MAML2: variants seen among roughly 807,000 people sequenced by gnomAD.
MAML2 encodes the protein mastermind like transcriptional coactivator 2, also known as mastermind-like protein 2.
A neutral mutation model predicts 96.1 loss-of-function variants in MAML2; 22 were observed. The observed-to-expected ratio is 0.23, with a 90% CI of 0.16 to 0.33. MAML2 has a LOEUF of 0.33. Among genes scored for constraint, MAML2 ranks in the 10% least tolerant of loss-of-function variants. MAML2 has a pLI of 1.00. For missense variants in MAML2, 1,367 were observed against 1,392.4 expected (o/e 0.98, Z 0.29); for synonymous variants, 561 against 521.3 (o/e 1.08, Z -1.04).
chr11:96,077,156 A>G lies in MAML2; in HGVS notation c.2139+14736T>C, dbSNP rs184831449. ...TCATCAGAAATGCATTTTTTGGCTC[A>G]AATTTCCTTTTATTTCTCCCTTGGG... On this transcript the variant is annotated intron_variant, in intron 2 of 4. Transcript: ENST00000524717. Among the ~76,000 whole-genome samples, 1,145 of 150,168 alleles carry G rather than the reference A, an allele frequency of 7.6e-3. 2 individuals are homozygous for G. Among genetic ancestry groups the G allele is most frequent in the Non-Finnish European group, 0.013 (863 of 67,636 alleles).
At chr11:96,180,929 A>G (rs1379459266) in intron 1 of MAML2, among the ~76,000 whole-genome samples, 1 of 143,790 alleles carries the variant, frequency 7.0e-6, no homozygotes, top group African/African-American at 2.6e-5. Flanking sequence ...TCTGGCGGGT[A>G]GGAGTGGGGG....
intron 1 of MAML2, among the ~76,000 whole-genome samples, chr11:96,257,908 ATTCCCTTCTATT>A (rs932636831): frequency 1.4e-4 from 21 of 152,228 alleles, no homozygotes; most frequent in African/African-American, 5.1e-4. Flanking sequence ...TAAAAGTCTG[ATTCCCTTCTATT>A]TCCTGCAGTC....
At chr11:96,257,509 A>C (rs561876903) in intron 1 of MAML2, among the ~76,000 whole-genome samples, 2 of 152,380 alleles carry the variant, frequency 1.3e-5, no homozygotes, top group South Asian at 4.1e-4. Context: ...TCTTTGATAC[A>C]TGACTTGGAA....
chr11:96,148,659 TACACACACAC>T (rs58470055), intron 1 of MAML2, among the ~76,000 whole-genome samples: 5,865 of 131,940 alleles, frequency 0.044, 419 homozygotes, highest in African/African-American at 0.15. Flanking sequence ...TTCTGAAAAA[TACACACACAC>T]ACACACACAC....
chr11:95,990,186 C>T (rs779709356), intron 3 of MAML2, among the ~76,000 whole-genome samples: 2 of 152,024 alleles, frequency 1.3e-5, no homozygotes, highest in Admixed American at 6.6e-5. Context: ...TTTTCTCTTA[C>T]TTTTTATACT....
intron 1 of MAML2, among the ~76,000 whole-genome samples, chr11:96,304,572 GT>G (rs1284954086): frequency 6.6e-6 from 1 of 152,144 alleles, no homozygotes; most frequent in East Asian, 1.9e-4. Flanking sequence ...TGGCACCCAG[GT>G]TTTTCTTTAT....
intron 1 of MAML2, among the ~76,000 whole-genome samples, chr11:96,200,940 G>A (rs1053981187): frequency 6.6e-6 from 1 of 151,778 alleles, no homozygotes; most frequent in Non-Finnish European, 1.5e-5. Context: ...AGGATGATAA[G>A]CTTTATTTCT....
intron 2 of MAML2, among the ~76,000 whole-genome samples, chr11:96,080,683 G>A (rs1429454995): frequency 6.6e-6 from 1 of 152,146 alleles, no homozygotes; most frequent in African/African-American, 2.4e-5. Flanking sequence ...GCCACATATA[G>A]GCAATGATTA....
chr11:95,981,700 G>A (rs1397319536), intron 4 of MAML2, among the ~76,000 whole-genome samples: 1 of 152,116 alleles, frequency 6.6e-6, no homozygotes, highest in African/African-American at 2.4e-5. Context: ...GTTTGATGAA[G>A]AGACATAACA....
At chr11:96,303,394 G>C (rs541838843) in intron 1 of MAML2, among the ~76,000 whole-genome samples, 1 of 152,088 alleles carries the variant, frequency 6.6e-6, no homozygotes, top group Non-Finnish European at 1.5e-5. Context: ...AATCTTTCTA[G>C]AATTATAGTT....
At chr11:96,042,368 T>C (rs576186236) in intron 2 of MAML2, among the ~76,000 whole-genome samples, 1 of 152,236 alleles carries the variant, frequency 6.6e-6, no homozygotes, top group South Asian at 2.1e-4. Flanking sequence ...ATGATCCACC[T>C]GCCTCGGCCT....
intron 1 of MAML2, among the ~76,000 whole-genome samples, chr11:96,139,698 T>A (rs1860702006): frequency 6.6e-6 from 1 of 152,060 alleles, no homozygotes; most frequent in South Asian, 2.1e-4. Flanking sequence ...TACCTACTCA[T>A]AATCATTTTG....
In MAML2 at chr11:96,022,915, T is replaced by A. The variant is rs114568506; in HGVS notation, c.2140-31192A>T. 2.7e-4 allele frequency among the ~76,000 whole-genome samples: 41 copies of A among 152,246 alleles called. No homozygotes were observed. In the South Asian group the frequency reaches 3.9e-3, roughly 15 times the overall value. On this transcript the variant is annotated intron_variant, in intron 2 of 4. Transcript: ENST00000524717. The stretch of plus-strand genomic sequence containing the variant: ...AGGCCAGTAGACATGACGCTTAACC[T>A]CAAAACCAGTGATGATGGTATCTTT...
Position 96,039,722 on chromosome 11 carries a change from G to A in MAML2, c.2140-47999C>T, listed in dbSNP as rs78684568. ...AGCACTTTGGGAGGCCAAGGCAGGC[G>A]GATCACGAGGTCAGGAGATCGAGAC... On this transcript the variant is annotated intron_variant, in intron 2 of 4. Transcript: ENST00000524717. Among the ~76,000 whole-genome samples the A allele has an allele frequency of 3.3e-4, 50 of 152,226 alleles. No individual in the cohort carries two copies. The South Asian group carries it at 6.0e-3, about 18-fold the overall frequency.
chr11:96,086,237 C>T (rs1290243980), intron 2 of MAML2, among the ~76,000 whole-genome samples: 1 of 152,156 alleles, frequency 6.6e-6, no homozygotes, highest in Non-Finnish European at 1.5e-5. Flanking sequence ...GTTCCTGGCA[C>T]ATTGTAGGTG....
At chr11:96,034,440 A>T (rs1441900778) in intron 2 of MAML2, among the ~76,000 whole-genome samples, 2 of 138,556 alleles carry the variant, frequency 1.4e-5, no homozygotes, top group East Asian at 4.4e-4. Context: ...TGTGAGAGAG[A>T]GAGAGAGAGA....
At position 96,155,509 on chromosome 11, in the gene MAML2, A is replaced by AAT. The variant is rs56860340; in HGVS notation, c.514-61994_514-61993dup. 4.1e-3 allele frequency among the ~76,000 whole-genome samples: 306 copies of AAT among 74,754 alleles called. 10 individuals carry two copies. Among genetic ancestry groups the AAT allele is most frequent in the Middle Eastern group, 7.6e-3 (1 of 132 alleles). The allele number at this position is 74,754 out of a possible 152,430, so 49.0% of individuals were successfully genotyped here. A position where few individuals can be genotyped will look rare whatever the true frequency, so the allele number is the denominator to read the frequency against. On this transcript the variant is annotated intron_variant, in intron 1 of 4. Coordinates refer to ENST00000524717, the MANE Select transcript of MAML2 (RefSeq NM_032427.4). Reference sequence around the variant, plus strand: ...ACCTCATGGGCGCTGTAACAATTCAAATATATATATATATATATATATATA... The same window carrying AAT: ...ACCTCATGGGCGCTGTAACAATTCAAATATATATATATATATATATATATATA...
chr11:96,073,545 C>A (rs1859382242), intron 2 of MAML2, among the ~76,000 whole-genome samples: 1 of 152,098 alleles, frequency 6.6e-6, no homozygotes, highest in Non-Finnish European at 1.5e-5. Context: ...TGGTCTCGAT[C>A]TCTTGACCTC....
intron 1 of MAML2, among the ~76,000 whole-genome samples, chr11:96,313,277 C>T (rs974379321): frequency 1.3e-5 from 2 of 152,270 alleles, no homozygotes; most frequent in East Asian, 1.9e-4. Context: ...CCCGAGGCAT[C>T]GGCATCCACC....
Sources: allele counts gnomAD v4.1 joint callset (sites outside exome capture counted in the v4.1 genomes callset), GRCh38; gene constraint gnomAD v4.1.1; transcripts MANE v1.5; gene names NCBI Gene and HGNC (gene_info 2026-07-23, HGNC 2026-07-21).